The following ATP2C2 variants were observed in gnomAD, a reference collection of about 807,000 sequenced individuals.
ATP2C2 encodes calcium-transporting ATPase type 2C member 2.
Under a neutral mutation model 110.8 loss-of-function variants are expected in ATP2C2, and 171 were observed. The observed-to-expected ratio is 1.54, with a 90% confidence interval of 1.36 to 1.75. ATP2C2 has a LOEUF of 1.75. Among genes scored for constraint, ATP2C2 ranks in the 40% most tolerant of loss-of-function variants. The pLI, the probability that ATP2C2 is intolerant of heterozygous loss-of-function variation, is 0.00. For synonymous variants in ATP2C2, 804 were observed against 508.4 expected, an observed-to-expected ratio of 1.58 and a Z score of -7.82; for missense variants, 1,963 against 1,235.0, an observed-to-expected ratio of 1.59 and a Z score of -8.84.
intron 1 of ATP2C2, among the ~76,000 whole-genome samples, chr16:84,391,228 A>C (rs1044604961): frequency 6.6e-6 from 1 of 151,870 alleles, no homozygotes; most frequent in Non-Finnish European, 1.5e-5. Flanking sequence ...AGGATGCGCC[A>C]CTCTCATTAC....
chr16:84,462,124 C>G lies in ATP2C2; in HGVS notation c.2717C>G (p.Ala906Gly). ...QRVFQTENLGALDLLFLTGLA... is the reference protein window; with the variant it reads ...QRVFQTENLGGLDLLFLTGLA... The stretch of plus-strand genomic sequence containing the variant: ...GTCTTCCAGACGGAGAACCTGGGAG[C>G]GCTTGGTGAGTGGTGGGGACGGGAA... Residue 906 changes from alanine (A) to glycine (G), a missense_variant, in exon 26 of 27, where the codon GCG becomes GGG. By Grantham distance (60) the Ala-to-Gly change is moderately conservative. Transcript: ENST00000262429. 6.2e-7 allele frequency: 1 copy of G among 1,612,742 alleles called. No individual in the cohort carries two copies. Among genetic ancestry groups the G allele is most frequent in the Non-Finnish European group, 8.5e-7 (1 of 1,179,230 alleles).
chr16:84,391,361 C>T (rs544283564), intron 1 of ATP2C2, among the ~76,000 whole-genome samples: 4 of 152,328 alleles, frequency 2.6e-5, no homozygotes, highest in South Asian at 2.1e-4. Context: ...CTTCTGTGGA[C>T]GCACATACAT....
intron 20 of ATP2C2, 29 bp downstream of exon 20, chr16:84,453,400 C>T (rs372664414): frequency 1.9e-5 from 30 of 1,613,584 alleles, no homozygotes; most frequent in South Asian, 7.7e-5. Context: ...GCACAGGCTG[C>T]GCTGCTGGGG....
intron 6 of ATP2C2, 28 bp downstream of exon 6, chr16:84,410,793 T>C: frequency 6.2e-7 from 1 of 1,605,256 alleles, no homozygotes; most frequent in East Asian, 2.2e-5. Context: ...TGGGACTTTT[T>C]GGTTCACTGG....
chr16:84,443,865 G>A (rs944814770), intron 15 of ATP2C2, among the ~76,000 whole-genome samples: 1 of 152,140 alleles, frequency 6.6e-6, no homozygotes, highest in Non-Finnish European at 1.5e-5. Context: ...CTTTTCCCCA[G>A]TGTAAGAACA....
intron 20 of ATP2C2, among the ~76,000 whole-genome samples, chr16:84,454,496 A>G (rs1910605260): frequency 6.6e-6 from 1 of 151,656 alleles, no homozygotes; most frequent in Non-Finnish European, 1.5e-5. Context: ...CGCACTGTTG[A>G]TTACTGTTTA....
intron 24 of ATP2C2, chr16:84,461,072 ATG>A: frequency 2.2e-6 from 1 of 457,066 alleles, no homozygotes; most frequent in East Asian, 3.7e-5. Flanking sequence ...TGAAATGTAC[ATG>A]AGGACAGGCT....
chr16:84,429,194 C>T (rs1053595602), intron 11 of ATP2C2, among the ~76,000 whole-genome samples: 4 of 152,174 alleles, frequency 2.6e-5, no homozygotes, highest in South Asian at 2.1e-4. Flanking sequence ...TCTTGTCGCC[C>T]AGGCTGGAGT....
At chr16:84,453,937 G>T (rs1910556351) in intron 20 of ATP2C2, among the ~76,000 whole-genome samples, 1 of 152,012 alleles carries the variant, frequency 6.6e-6, no homozygotes, top group South Asian at 2.1e-4. Flanking sequence ...GCCTCCCAGG[G>T]TTAAGCGATT....
chr16:84,447,164 C>G (rs1009732182), intron 16 of ATP2C2, among the ~76,000 whole-genome samples: 1 of 152,152 alleles, frequency 6.6e-6, no homozygotes, highest in Admixed American at 6.5e-5. Context: ...CCCACTCTTT[C>G]TAGAATCTAT....
chr16:84,431,073 A>G (rs1359713869), intron 11 of ATP2C2, among the ~76,000 whole-genome samples: 1 of 152,198 alleles, frequency 6.6e-6, no homozygotes, highest in African/African-American at 2.4e-5. Context: ...TGGATCAGGT[A>G]GATCTCTGCC....
In ATP2C2 at chr16:84,402,012, A is replaced by G. The variant is rs74918332; in HGVS notation, c.211-3116A>G. Among the ~76,000 whole-genome samples the G allele has an allele frequency of 2.0e-4, 31 of 151,402 alleles. No homozygotes were observed. The East Asian group carries it at 4.6e-3, about 23-fold the overall frequency. The stretch of plus-strand genomic sequence containing the variant: ...GTGTCTTCTTCAGTTTCTTGCATCA[A>G]TGTTTTATAGTTTTCATTGTAGAGA... On this transcript the variant is annotated intron_variant, in intron 2 of 26. Coordinates refer to ENST00000262429, the MANE Select transcript of ATP2C2 (RefSeq NM_014861.4).
rs776120017 is a variant in ATP2C2, at chr16:84,463,734, G to A, written c.*2G>A. The A allele has an allele frequency of 4.4e-6, 7 of 1,607,014 alleles. No individual in the cohort carries two copies. Among genetic ancestry groups the A allele is most frequent in the South Asian group, 1.1e-5 (1 of 90,930 alleles). ...CAGATGCACCCTGAAGATGTGTAGTGGACCGCACTCCGCGGCACCTTCCCT... is the reference window on the plus strand; with the variant it reads ...CAGATGCACCCTGAAGATGTGTAGTAGACCGCACTCCGCGGCACCTTCCCT... On this transcript the variant is annotated 3_prime_UTR_variant, in exon 27 of 27. Transcript: ENST00000262429.
rs1946672985 is a variant in ATP2C2 at position 84,459,013 on chromosome 16, A to G, written c.2148-107A>G. On this transcript the variant is annotated intron_variant, in intron 21 of 26. Coordinates refer to ENST00000262429, the MANE Select transcript of ATP2C2 (RefSeq NM_014861.4). ...AAGGGGAACCAGCAGGGGCCCAAGT[A>G]TAACATCAATCTGGGCGAGTCACCA... 6.5e-6 allele frequency: 8 copies of G among 1,233,544 alleles called. No individual in the cohort carries two copies. In the Middle Eastern group the frequency reaches 1.3e-3, roughly 202 times the overall value. 76.4% of individuals were successfully genotyped at this position (1,233,544 alleles called of 1,614,324 possible).
intron 18 of ATP2C2, 27 bp from the exon 19 acceptor site, chr16:84,453,111 A>G: frequency 6.3e-7 from 1 of 1,583,048 alleles, no homozygotes. Context: ...GCCTCAGAGC[A>G]GGCCCTCAGA....
intron 23 of ATP2C2, 191 bp downstream of exon 23, chr16:84,459,577 G>C (rs570230993): frequency 1.3e-6 from 2 of 1,536,398 alleles, no homozygotes; most frequent in South Asian, 1.2e-5. Context: ...GAAAGTACCT[G>C]GGCCGGCAGA....
At chr16:84,440,707 A>T (rs1343815539) in intron 13 of ATP2C2, 150 bp from the exon 14 acceptor site, 35 of 646,354 alleles carry the variant, frequency 5.4e-5, no homozygotes, top group Non-Finnish European at 5.0e-5. Context: ...ATTAATCAAT[A>T]ATCTTTCAGA....
chr16:84,460,543 G>T, intron 23 of ATP2C2, 111 bp from the exon 24 acceptor site: 1 of 1,486,674 alleles, frequency 6.7e-7, no homozygotes, highest in Non-Finnish European at 9.3e-7. Flanking sequence ...GCAAATGCCT[G>T]GCCCTGCCCC....
chr16:84,439,206 G>A lies in ATP2C2; in HGVS notation c.1027G>A (p.Val343Ile), dbSNP rs374715934. The stretch of plus-strand genomic sequence containing the variant: ...CATTCCAGAGGGTCTGCCCATCGTC[G>A]TCATGGTGACGCTGGTCCTGGGAGT... The part of the protein sequence containing the change: ...AAIPEGLPIV[V>I]MVTLVLGVLR... The change falls in exon 12 of 27, where the codon GTC becomes ATC. Residue 343 changes from valine (V) to isoleucine (I), a missense_variant. Physicochemically the swap from Val to Ile is conservative, Grantham distance 29. Transcript: ENST00000262429. The A allele has an allele frequency of 2.2e-4, 351 of 1,612,102 alleles. 1 individual carries two copies. Among genetic ancestry groups the A allele is most frequent in the Non-Finnish European group, 2.9e-4 (342 of 1,180,038 alleles).
Sources: gnomAD v4.1 joint callset for allele counts (sites outside exome capture counted in the v4.1 genomes callset) on GRCh38, gnomAD v4.1.1 for gene constraint, MANE v1.5 for transcripts, NCBI Gene and HGNC (gene_info 2026-07-23, HGNC 2026-07-21) for gene names.